The following KDM5A variants were observed in gnomAD, a reference collection of about 807,000 sequenced individuals.
KDM5A encodes the protein lysine-specific demethylase 5A.
In KDM5A, 42 loss-of-function variants were observed where a neutral mutation model predicts 193.5. The observed-to-expected ratio is 0.22, with a 90% CI of 0.17 to 0.28. KDM5A has a LOEUF of 0.28. Among genes scored for constraint, KDM5A ranks in the 10% least tolerant of loss-of-function variants. KDM5A has a pLI of 1.00. For missense variants in KDM5A, 1,692 were observed against 2,055.1 expected, an observed-to-expected ratio of 0.82 and a Z score of 3.42; for synonymous variants, 796 against 718.1, an observed-to-expected ratio of 1.11 and a Z score of -1.73.
chr12:327,663 G>C (rs182997779), intron 14 of KDM5A, among the ~76,000 whole-genome samples: 1 of 152,134 alleles, frequency 6.6e-6, no homozygotes, highest in African/African-American at 2.4e-5. Flanking sequence ...AGCCAAGATC[G>C]TGCCACTGCA....
At chr12:363,148 G>A (rs750880025) in intron 4 of KDM5A, 51 bp from the exon 5 acceptor site, 2 of 1,609,774 alleles carry the variant, frequency 1.2e-6, no homozygotes, top group Admixed American at 3.3e-5. Context: ...AAGAAATCAT[G>A]CTGGAGAATC....
intron 26 of KDM5A, among the ~76,000 whole-genome samples, chr12:293,788 AG>A (rs34107168): frequency 0.1 from 8,536 of 82,630 alleles, 598 homozygotes; most frequent in African/African-American, 0.2. Context: ...CAAAAAAAAA[AG>A]GGGGGGGGGG....
intron 20 of KDM5A, 173 bp from the exon 21 acceptor site, chr12:311,237 G>T: frequency 1.5e-6 from 1 of 646,928 alleles, no homozygotes; most frequent in Non-Finnish European, 2.6e-6. Flanking sequence ...TTTAAAGTTT[G>T]TGTAAATTAT....
At position 307,085 on chromosome 12, in the gene KDM5A, T is replaced by C. The variant is rs1464564761; in HGVS notation, c.3935A>G (p.His1312Arg). 1 of 1,614,182 alleles carries C rather than the reference T, an allele frequency of 6.2e-7. No homozygotes were observed. ...KAAANPDLQG[H>R]LPSFQQSAFN... ...AGCAGACTGCTGGAAACTAGGTAAG[T>C]GTCCCTAAACAACAAATAATTCCAA... Residue 1312 changes from histidine to arginine, a missense_variant, in exon 24 of 28, where the codon CAC (histidine) becomes CGC (arginine). His to Arg is a conservative substitution (Grantham distance 29). Transcript: ENST00000399788. This position sits in a 1 kb window ranked among gnomAD's most constrained non-coding sequence, Gnocchi z 4.3.
intron 18 of KDM5A, among the ~76,000 whole-genome samples, chr12:320,438 G>A (rs1029604255): frequency 6.6e-6 from 1 of 152,154 alleles, no homozygotes; most frequent in African/African-American, 2.4e-5. Flanking sequence ...AGAGGTTGCA[G>A]TAAGCCGAGA....
At chr12:320,174 A>G (rs560285294) in intron 18 of KDM5A, among the ~76,000 whole-genome samples, 3 of 152,324 alleles carry the variant, frequency 2.0e-5, no homozygotes, top group East Asian at 3.9e-4. Flanking sequence ...ACAACTGACC[A>G]TAGATTCTAC....
chr12:366,092 T>G lies in KDM5A; in HGVS notation c.379A>C (p.Lys127Gln). Residue 127 changes from lysine (K) to glutamine (Q), a missense_variant, in exon 4 of 28, where the codon AAA becomes CAA. Lys to Gln is a moderately conservative substitution (Grantham distance 53). This residue lies in a region of KDM5A where 120 missense variants were observed against 172.0 expected (regional missense o/e 0.70). Transcript: ENST00000399788. ...LYALSKIVAS[K>Q]GGFEMVTKEK... Reference sequence around the variant, plus strand: ...TTGGTGACCATTTCAAAACCTCCTTTGCTGGCAACAATCTGAAAAGAAAGT... The same window carrying G: ...TTGGTGACCATTTCAAAACCTCCTTGGCTGGCAACAATCTGAAAAGAAAGT... 6.2e-7 allele frequency: 1 copy of G among 1,614,002 alleles called. No individual in the cohort carries two copies.
At chr12:306,040 G>A (rs1172021446) in intron 24 of KDM5A, among the ~76,000 whole-genome samples, 2 of 137,642 alleles carry the variant, frequency 1.5e-5, no homozygotes, top group South Asian at 2.3e-4. Flanking sequence ...GTGCAATCAT[G>A]GCTCACTGCA....
intron 3 of KDM5A, 81 bp downstream of exon 3, chr12:383,950 G>A: frequency 7.1e-7 from 1 of 1,413,546 alleles, no homozygotes; most frequent in Non-Finnish European, 1.0e-6. Context: ...TCTATTGGAA[G>A]CAATGTTTCC....
chr12:376,284 C>T (rs887232071), intron 3 of KDM5A, among the ~76,000 whole-genome samples: 4 of 152,226 alleles, frequency 2.6e-5, no homozygotes, highest in African/African-American at 7.2e-5. Context: ...CAATTGTGGG[C>T]ACCCATCCCC....
intron 3 of KDM5A, among the ~76,000 whole-genome samples, chr12:377,826 A>G (rs977299648): frequency 6.6e-6 from 1 of 152,214 alleles, no homozygotes; most frequent in Non-Finnish European, 1.5e-5. Context: ...CCAGACTGAC[A>G]GGTGACCTTA....
chr12:371,168 C>G (rs1944422922), intron 3 of KDM5A, among the ~76,000 whole-genome samples: 1 of 152,172 alleles, frequency 6.6e-6, no homozygotes, highest in Non-Finnish European at 1.5e-5. Flanking sequence ...ATTTCTAGTT[C>G]AAGATCCTTG....
At chr12:288,971 T>C (rs1372388343) in intron 27 of KDM5A, among the ~76,000 whole-genome samples, 3 of 152,244 alleles carry the variant, frequency 2.0e-5, no homozygotes, top group Admixed American at 2.0e-4. Context: ...CCTTTGCTTA[T>C]CTGTGCTAAA....
chr12:383,247 T>C (rs1187406421), intron 3 of KDM5A, among the ~76,000 whole-genome samples: 2 of 151,410 alleles, frequency 1.3e-5, no homozygotes, highest in East Asian at 3.9e-4. Context: ...AGGGTCTAAC[T>C]CCTGTGGCCA....
In KDM5A at chr12:292,919, G is replaced by A. The variant is rs1943316394; in HGVS notation, c.4706C>T (p.Ala1569Val). 6.2e-7 allele frequency: 1 copy of A among 1,613,948 alleles called. No individual in the cohort carries two copies. Among genetic ancestry groups the A allele is most frequent in the African/African-American group, 1.3e-5 (1 of 75,032 alleles). Residue 1569 changes from alanine to valine, a missense_variant, in exon 27 of 28, where the codon GCT (alanine) becomes GTT (valine). By Grantham distance (64) the Ala-to-Val change is moderately conservative. Around this residue, in one of 11 missense-constraint regions of KDM5A, gnomAD observed 965 missense variants for 1,061.0 expected, o/e 0.91. Coordinates refer to ENST00000399788, the MANE Select transcript of KDM5A (RefSeq NM_001042603.3). ...TTTCACAAGTTCAACTTTGGCTGCA[G>A]CAGCCTTCTCCTTCTTTTTCTTTCT... ...EERKKKKEKAAAAKVELVKES... is the reference protein window; with the variant it reads ...EERKKKKEKAVAAKVELVKES...
chr12:328,901 C>G lies in KDM5A; in HGVS notation c.1902G>C (p.Met634Ile). The G allele has an allele frequency of 1.9e-6, 3 of 1,614,154 alleles. No individual in the cohort carries two copies. Among genetic ancestry groups the G allele is most frequent in the Non-Finnish European group, 2.5e-6 (3 of 1,180,034 alleles). Residue 634 changes from methionine to isoleucine, a missense_variant, in exon 14 of 28, where the codon ATG becomes ATC. By Grantham distance (10) the Met-to-Ile change is conservative. Transcript: ENST00000399788. ...PECLDVGLAA[M>I]VCKELTLMTE... is the part of the protein sequence containing the mutation. ...TCATGAGAGTCAATTCTTTGCAGACCATGGCAGCCAGCCCCACATCTAAGC... is the reference window on the plus strand; with the variant it reads ...TCATGAGAGTCAATTCTTTGCAGACGATGGCAGCCAGCCCCACATCTAAGC...
chr12:377,751 A>C (rs994454747), intron 3 of KDM5A, among the ~76,000 whole-genome samples: 2 of 152,190 alleles, frequency 1.3e-5, no homozygotes, highest in Non-Finnish European at 2.9e-5. Flanking sequence ...ACCAAGTAAA[A>C]GGAAGACTTA....
At chr12:321,405 A>C (rs1206633083) in intron 17 of KDM5A, among the ~76,000 whole-genome samples, 1 of 152,214 alleles carries the variant, frequency 6.6e-6, no homozygotes, top group African/African-American at 2.4e-5. Context: ...CCTGTATCTC[A>C]AGAAGGTTAA....
rs1182141216 is a variant in KDM5A at position 323,542 on chromosome 12, C to A, written c.2150+58G>T. ...AAAGTAAGGGAATAAGTAAAAATAA[C>A]ATTAAAACTTGGTTTTAAAAAAAGG... On this transcript the variant is annotated intron_variant, in intron 15 of 27. Transcript: ENST00000399788. 57 of 1,460,700 alleles carry A rather than the reference C, an allele frequency of 3.9e-5. No homozygotes were observed. The African/African-American group carries it at 7.4e-4, about 19-fold the overall frequency. The allele number at this position is 1,460,700 out of a possible 1,614,324, so 90.5% of individuals were successfully genotyped here.
Sources: allele counts gnomAD v4.1 joint callset (sites outside exome capture counted in the v4.1 genomes callset), GRCh38; gene constraint gnomAD v4.1.1; regional missense constraint gnomAD v4.1.1; non-coding constraint Gnocchi (gnomAD v3.1); transcripts MANE v1.5; gene names NCBI Gene and HGNC (gene_info 2026-07-23, HGNC 2026-07-21).